Variants in ZNF263 observed in about 807,000 individuals in gnomAD.
The protein encoded by ZNF263 is zinc finger protein 263.
ZNF263 carries 49 observed loss-of-function variants against 63.1 expected under a neutral mutation model. The ratio of observed to expected loss-of-function variants is 0.78; its 90% CI spans 0.62 to 0.99. The LOEUF (loss-of-function observed/expected upper bound fraction) is 0.99, where lower values mean the gene tolerates loss of function less well. Among genes scored for constraint, ZNF263 ranks in the 50% least tolerant of loss-of-function variants. ZNF263 has a pLI of 0.00. For synonymous variants in ZNF263, 352 were observed against 324.2 expected (o/e 1.09, Z -0.92); for missense variants, 872 against 854.8 (o/e 1.02, Z -0.25).
chr16:3,283,593 A>C lies in ZNF263; in HGVS notation c.-226A>C, dbSNP rs1238004659. On this transcript the variant is annotated 5_prime_UTR_variant, in exon 1 of 6. Transcript: ENST00000219069. ...TGGCGCTCGGTTCCTGCCTCGGGGA[A>C]GTCCTGGCGCAGATGGGCCACGGGG... is the stretch of plus-strand genomic sequence containing the variant. 8.2e-6 allele frequency: 4 copies of C among 487,096 alleles called. No homozygotes were observed. The highest frequency in any genetic ancestry group is 6.0e-5 in the African/African-American group (3 of 49,762). 30.2% of individuals were successfully genotyped at this position (487,096 alleles called of 1,614,324 possible).
chr16:3,298,603 G>GT (rs891231996), intron 1 of ZNF263, among the ~76,000 whole-genome samples: 5 of 152,122 alleles, frequency 3.3e-5, no homozygotes, highest in African/African-American at 1.2e-4. Context: ...AGCAGAGTGT[G>GT]TTTTACCATT....
chr16:3,289,349 A>G (rs1202135726), intron 5 of ZNF263, 44 bp from the exon 6 acceptor site: 1 of 1,489,480 alleles, frequency 6.7e-7, no homozygotes. Flanking sequence ...TCTTTTCTCC[A>G]GCATAGAAAT....
rs548266198 is a variant in ZNF263, at chr16:3,297,631, A to G, written c.152-1475A>G. On this transcript the variant is annotated intron_variant, in intron 1 of 2. Transcript: ENST00000574674. ...AGGCGCCTGCCACTGCGCCCGGCTA[A>G]TTTTTTGTATTTTTAGTAGAAACGG... 4.6e-5 allele frequency among the ~76,000 whole-genome samples: 7 copies of G among 150,684 alleles called. No homozygotes were observed. In the South Asian group the frequency reaches 1.5e-3, roughly 32 times the overall value.
At chr16:3,300,656 GAAA>G (rs1959914106) in intron 2 of ZNF263, 7 of 1,516,732 alleles carry the variant, frequency 4.6e-6, no homozygotes, top group Non-Finnish European at 6.2e-6. Context: ...AAAACAAAGG[GAAA>G]AGCCTTAATG....
At chr16:3,296,593 A>G (rs1959753346) in intron 1 of ZNF263, among the ~76,000 whole-genome samples, 1 of 152,262 alleles carries the variant, frequency 6.6e-6, no homozygotes, top group Non-Finnish European at 1.5e-5. Context: ...TGAATAAGGC[A>G]AGAAAGCACA....
Position 3,289,415 on chromosome 16 carries a change from G to T in ZNF263, c.909G>T (p.Leu303=). ...CAGGAGAAGAGAAATTTGAGAACCT[G>T]GAAGGTGTTCCGTCTGTATGCTCTG... is the stretch of plus-strand genomic sequence containing the variant. ...PAPGEEKFEN[L]EGVPSVCSEN... The change falls in exon 6 of 6, where the codon CTG becomes CTT. Residue 303 remains leucine, a synonymous_variant. Transcript: ENST00000219069. The T allele has an allele frequency of 6.6e-7, 1 of 1,512,710 alleles. No individual in the cohort carries two copies. Among genetic ancestry groups the T allele is most frequent in the East Asian group, 2.3e-5 (1 of 43,902 alleles). The allele number at this position is 1,512,710 out of a possible 1,614,324, so 93.7% of individuals were successfully genotyped here. A position where few individuals can be genotyped will look rare whatever the true frequency, so the allele number is the denominator to read the frequency against.
chr16:3,283,550 TA>T lies in ZNF263; in HGVS notation c.-268del, dbSNP rs1959228898. ...AGGTCTGAGTCTTGCGTGGGTCCTC[TA>T]TATAGGGTGAGAAGCGTGGCGCTCG... On this transcript the variant is annotated 5_prime_UTR_variant, in exon 1 of 6. Transcript: ENST00000219069. 6.1e-5 allele frequency: 11 copies of T among 179,854 alleles called. No individual in the cohort carries two copies. Among genetic ancestry groups the T allele is most frequent in the African/African-American group, 8.8e-5 (1 of 11,418 alleles). 11.1% of individuals were successfully genotyped at this position (179,854 alleles called of 1,614,324 possible).
Position 3,299,564 on chromosome 16 carries a change from G to C in ZNF263, c.*46+408G>C, listed in dbSNP as rs1480426463. ...TCATCACTTTCTTCAAATATTACAA[G>C]ACTCTCTTCAAGTTGCTTCCATCTA... On this transcript the variant is annotated intron_variant, in intron 2 of 2. Coordinates refer to the ZNF263 transcript ENST00000574674. 20 of 1,532,990 alleles carry C rather than the reference G, an allele frequency of 1.3e-5. No homozygotes were observed. Among genetic ancestry groups the C allele is most frequent in the Admixed American group, 2.3e-5 (1 of 43,322 alleles). 95.0% of individuals were successfully genotyped at this position (1,532,990 alleles called of 1,614,324 possible). A position where few individuals can be genotyped will look rare whatever the true frequency, so the allele number is the denominator to read the frequency against.
intron 1 of ZNF263, among the ~76,000 whole-genome samples, chr16:3,284,618 G>A (rs1024199889): frequency 6.6e-6 from 1 of 152,216 alleles, no homozygotes; most frequent in African/African-American, 2.4e-5. Flanking sequence ...TAGCTTATGA[G>A]TGCTTAGTAC....
chr16:3,300,146 G>A (rs866957309), intron 2 of ZNF263: 5 of 1,614,132 alleles, frequency 3.1e-6, no homozygotes, highest in East Asian at 2.2e-5. Flanking sequence ...AGTTTTTGTC[G>A]AAATGGCTCA....
At chr16:3,289,287 G>A in intron 5 of ZNF263, 106 bp from the exon 6 acceptor site, 2 of 1,239,188 alleles carry the variant, frequency 1.6e-6, no homozygotes, top group South Asian at 1.9e-5. Flanking sequence ...TGAGGTAGAA[G>A]CAGCCCTTCT....
Position 3,285,176 on chromosome 16 carries a change from C to T in ZNF263, c.505C>T (p.Pro169Ser). The change falls in exon 2 of 6, where the codon CCC (proline) becomes TCC (serine). Residue 169 changes from proline (P) to serine (S), a missense_variant. Pro to Ser is a moderately conservative substitution (Grantham distance 74, BLOSUM62 -1). Transcript: ENST00000219069. ...AATGGAGACTGAGCGAAGCCCTGGC[C>T]CCAGGCTGCAGGAGCTGCTAGGCCC... is the stretch of plus-strand genomic sequence containing the variant. ...EPMETERSPG[P>S]RLQELLGPSP... The T allele has an allele frequency of 1.2e-6, 2 of 1,614,026 alleles. No individual in the cohort carries two copies. The highest frequency in any genetic ancestry group is 8.5e-7 in the Non-Finnish European group (1 of 1,180,038).
At chr16:3,284,437 G>A (rs1255581142) in intron 1 of ZNF263, among the ~76,000 whole-genome samples, 1 of 152,244 alleles carries the variant, frequency 6.6e-6, no homozygotes, top group African/African-American at 2.4e-5. Flanking sequence ...GTTAGTGTTA[G>A]CCATGGAGTT....
chr16:3,285,861 C>A, intron 3 of ZNF263, 107 bp downstream of exon 3: 2 of 1,514,132 alleles, frequency 1.3e-6, no homozygotes, highest in Non-Finnish European at 9.2e-7. Flanking sequence ...CACAGCGTCT[C>A]CCCCACTGCT....
chr16:3,298,736 T>C (rs1959838342), intron 1 of ZNF263: 1 of 321,634 alleles, frequency 3.1e-6, no homozygotes, highest in Non-Finnish European at 5.6e-6. Context: ...TTAGATAATC[T>C]GGGACAATAC....
intron 2 of ZNF263, chr16:3,300,778 G>A: frequency 8.1e-7 from 1 of 1,238,350 alleles, no homozygotes; most frequent in Non-Finnish European, 1.1e-6. Flanking sequence ...AACCATGACT[G>A]AAGAGCTAGT....
At chr16:3,285,644 G>A in intron 2 of ZNF263, 37 bp from the exon 3 acceptor site, 1 of 1,602,910 alleles carries the variant, frequency 6.2e-7, no homozygotes, top group South Asian at 1.1e-5. Flanking sequence ...CCAAGAGTTA[G>A]GAATGCCATT....
intron 2 of ZNF263, chr16:3,300,554 T>A (rs1179865261): frequency 6.2e-7 from 1 of 1,609,764 alleles, no homozygotes; most frequent in Admixed American, 1.7e-5. Context: ...GCTTCAATTC[T>A]ACTTAGAACC....
rs374659542 is a variant in ZNF263, at chr16:3,289,933, A to C, written c.1427A>C (p.Asn476Thr). 7 of 1,613,928 alleles carry C rather than the reference A, an allele frequency of 4.3e-6. No homozygotes were observed. The highest frequency in any genetic ancestry group is 2.2e-5 in the East Asian group (1 of 44,878). The change falls in exon 6 of 6, where the codon AAC becomes ACC. Residue 476 changes from asparagine (N) to threonine (T), a missense_variant. By Grantham distance (65) the Asn-to-Thr change is moderately conservative (BLOSUM62 0). Coordinates refer to ENST00000219069, the MANE Select transcript of ZNF263 (RefSeq NM_005741.5). ...GGAAAATGTTTCTCCTGCAACTCCA[A>C]CCTCCACAGGCACCAGAGAACGCAC... ...ICGKCFSCNS[N>T]LHRHQRTHTG...
Sources: allele counts gnomAD v4.1 joint callset (sites outside exome capture counted in the v4.1 genomes callset), GRCh38; gene constraint gnomAD v4.1.1; transcripts MANE v1.5; gene names NCBI Gene and HGNC (gene_info 2026-07-23, HGNC 2026-07-21).